RETREG1: variants seen among roughly 807,000 people sequenced by gnomAD.
The protein encoded by RETREG1 is family with sequence similarity 134 member B.
Under a neutral mutation model 54.8 loss-of-function variants are expected in RETREG1, and 44 were observed. That is an observed-to-expected ratio of 0.80 (90% CI 0.63 to 1.03). The LOEUF (loss-of-function observed/expected upper bound fraction) is 1.03. RETREG1 is among the 50% of genes least tolerant of loss of function. RETREG1 has a pLI of 0.00. For missense variants in RETREG1, 554 were observed against 605.1 expected (o/e 0.92, Z 0.89); for synonymous variants, 217 against 238.5 (o/e 0.91, Z 0.83).
intron 2 of RETREG1, among the ~76,000 whole-genome samples, chr5:16,570,509 TC>T (rs1742144858): frequency 6.6e-6 from 1 of 152,202 alleles, no homozygotes; most frequent in African/African-American, 2.4e-5. Context: ...GCTTCCTGGG[TC>T]CATGTTTAGC....
rs531906179 is a variant in RETREG1 at position 16,532,227 on chromosome 5, G to A, written c.458+33536C>T. 1.9e-3 allele frequency among the ~76,000 whole-genome samples: 293 copies of A among 152,242 alleles called. 1 individual carries two copies. Among genetic ancestry groups the A allele is most frequent in the African/African-American group, 6.6e-3 (274 of 41,546 alleles). On this transcript the variant is annotated intron_variant, in intron 3 of 8. Transcript: ENST00000306320. ...GTCTCATTGTAACTCAGCTGCTAGC[G>A]TTCAAAAAGTTTTCCTGGGCTGGGC...
intron 8 of RETREG1, 24 bp from the exon 9 acceptor site, chr5:16,475,258 C>T (rs751655344): frequency 6.8e-6 from 11 of 1,606,496 alleles, no homozygotes; most frequent in Non-Finnish European, 1.7e-6. Context: ...AACAGAAGTT[C>T]AGACTGAAGC....
At chr5:16,553,585 G>A (rs921827094) in intron 3 of RETREG1, among the ~76,000 whole-genome samples, 2 of 151,794 alleles carry the variant, frequency 1.3e-5, no homozygotes, top group African/African-American at 4.8e-5. Context: ...TTGTTTAAAT[G>A]TATGAATATT....
chr5:16,501,309 G>A (rs992220067), intron 3 of RETREG1, among the ~76,000 whole-genome samples: 52 of 152,262 alleles, frequency 3.4e-4, no homozygotes, highest in African/African-American at 1.2e-3. Flanking sequence ...GTTAAGGCTG[G>A]GATTTGCAGC....
intron 3 of RETREG1, among the ~76,000 whole-genome samples, chr5:16,505,645 A>G (rs1739923133): frequency 6.6e-6 from 1 of 152,180 alleles, no homozygotes; most frequent in Non-Finnish European, 1.5e-5. Flanking sequence ...CCTTCAGGAC[A>G]GCTGGAACAG....
rs769816736 is a variant in RETREG1, at chr5:16,616,789, C to T, written c.183G>A (p.Ala61=). The T allele has an allele frequency of 1.3e-6, 2 of 1,529,610 alleles. No individual in the cohort carries two copies. Among genetic ancestry groups the T allele is most frequent in the South Asian group, 1.2e-5 (1 of 83,628 alleles). 94.8% of individuals were successfully genotyped at this position (1,529,610 alleles called of 1,614,324 possible). The change falls in exon 1 of 9, where the codon GCG becomes GCA. Residue 61 remains alanine, a synonymous_variant. Coordinates refer to ENST00000306320, the MANE Select transcript of RETREG1 (RefSeq NM_001034850.3). ...AGGTTACCGCGGCCGCCGCCCGGCCCGCGGCCTCCTCCACCTGCAACCCCG... is the reference window on the plus strand; with the variant it reads ...AGGTTACCGCGGCCGCCGCCCGGCCTGCGGCCTCCTCCACCTGCAACCCCG... ...EGAGLQVEEA[A]GRAAAAVTWL...
intron 3 of RETREG1, among the ~76,000 whole-genome samples, chr5:16,555,940 T>G (rs1448195710): frequency 6.6e-6 from 1 of 152,208 alleles, no homozygotes; most frequent in Non-Finnish European, 1.5e-5. Context: ...AAGCATGCTA[T>G]TAGGTAACAA....
intron 1 of RETREG1, among the ~76,000 whole-genome samples, chr5:16,581,165 G>A (rs151051427): frequency 2.0e-5 from 3 of 152,254 alleles, no homozygotes; most frequent in Non-Finnish European, 4.4e-5. Context: ...GCTGGGCAGG[G>A]CCAGGGCAAG....
intron 3 of RETREG1, among the ~76,000 whole-genome samples, chr5:16,503,467 G>C (rs1188437918): frequency 1.3e-5 from 2 of 152,116 alleles, no homozygotes; most frequent in East Asian, 3.9e-4. Flanking sequence ...AGGAGTTCAA[G>C]ACCAGCCTGA....
intron 1 of RETREG1, among the ~76,000 whole-genome samples, chr5:16,573,221 A>C (rs1742231116): frequency 6.8e-6 from 1 of 147,968 alleles, no homozygotes; most frequent in Admixed American, 6.7e-5. Context: ...CAGTTATTGA[A>C]GATCCACTTT....
chr5:16,520,144 G>A (rs879683988), intron 3 of RETREG1, among the ~76,000 whole-genome samples: 12 of 152,290 alleles, frequency 7.9e-5, no homozygotes, highest in Middle Eastern at 6.8e-3. Context: ...AGGAGAGCAG[G>A]ACATGGACTT....
At chr5:16,537,196 G>A (rs1346366411) in intron 3 of RETREG1, among the ~76,000 whole-genome samples, 6 of 152,276 alleles carry the variant, frequency 3.9e-5, no homozygotes, top group South Asian at 2.1e-4. Flanking sequence ...TCCACACTGC[G>A]ACCTCCCAAT....
chr5:16,612,430 C>A (rs548860289), intron 1 of RETREG1, among the ~76,000 whole-genome samples: 38 of 152,308 alleles, frequency 2.5e-4, no homozygotes, highest in Non-Finnish European at 3.5e-4. Flanking sequence ...GAGGAAACTG[C>A]GTAGACAGGG....
Position 16,474,685 on chromosome 5 carries a change from T to TC in RETREG1, c.*55dup. On this transcript the variant is annotated 3_prime_UTR_variant, in exon 9 of 9. Transcript: ENST00000306320. ...TTTCTTTTCCTTTTTTTTTTTTTTT[T>TC]CTTGTTTGAAATTTTTTTGGTGTTT... 1.3e-6 allele frequency: 2 copies of TC among 1,540,702 alleles called. No homozygotes were observed. The highest frequency in any genetic ancestry group is 1.7e-6 in the Non-Finnish European group (2 of 1,147,492).
chr5:16,555,359 C>G (rs1443846081), intron 3 of RETREG1, among the ~76,000 whole-genome samples: 1 of 152,134 alleles, frequency 6.6e-6, no homozygotes, highest in Non-Finnish European at 1.5e-5. Flanking sequence ...ACCATGTTGG[C>G]CAGGCTGGTC....
At chr5:16,567,853 C>T (rs916561793) in intron 2 of RETREG1, among the ~76,000 whole-genome samples, 2 of 152,044 alleles carry the variant, frequency 1.3e-5, no homozygotes, top group African/African-American at 2.4e-5. Context: ...CCTAGCCACT[C>T]AGGAGTCTGA....
At chr5:16,486,152 T>C (rs192547553) in intron 3 of RETREG1, among the ~76,000 whole-genome samples, 1 of 152,342 alleles carries the variant, frequency 6.6e-6, no homozygotes, top group Non-Finnish European at 1.5e-5. Flanking sequence ...AGAAATTCAT[T>C]GTGTACAACC....
intron 1 of RETREG1, among the ~76,000 whole-genome samples, chr5:16,613,340 A>G (rs1269078045): frequency 6.6e-6 from 1 of 152,142 alleles, no homozygotes; most frequent in East Asian, 1.9e-4. Flanking sequence ...CATCTACTAG[A>G]TCTCCCAAAT....
At chr5:16,615,365 A>G (rs569975461) in intron 1 of RETREG1, among the ~76,000 whole-genome samples, 30 of 144,894 alleles carry the variant, frequency 2.1e-4, no homozygotes, top group Admixed American at 3.7e-4. Flanking sequence ...GCGCCACTGC[A>G]CTCCAGCCTG....
Sources: gnomAD v4.1 joint callset for allele counts (sites outside exome capture counted in the v4.1 genomes callset) on GRCh38, gnomAD v4.1.1 for gene constraint, MANE v1.5 for transcripts, NCBI Gene and HGNC (gene_info 2026-07-23, HGNC 2026-07-21) for gene names.